Variants in GRB10 observed in about 807,000 individuals in gnomAD.
GRB10 encodes growth factor receptor bound protein 10.
Under a neutral mutation model 80.9 loss-of-function variants are expected in GRB10, and 20 were observed. That is an observed-to-expected ratio of 0.25 (90% CI 0.17 to 0.36). GRB10 has a LOEUF of 0.36. GRB10 is among the 10% of genes least tolerant of loss of function. The pLI is 1.00. For synonymous variants in GRB10, 291 were observed against 291.5 expected (o/e 1.00, Z 0.02); for missense variants, 548 against 747.7 (o/e 0.73, Z 3.12).
intron 5 of GRB10, among the ~76,000 whole-genome samples, chr7:50,695,462 C>A (rs1586992820): frequency 1.2e-5 from 1 of 84,238 alleles, no homozygotes; most frequent in Non-Finnish European, 2.9e-5. Context: ...CTCTTGGCTG[C>A]TTTCTTTCTT....
intron 2 of GRB10, among the ~76,000 whole-genome samples, chr7:50,757,365 T>C (rs2075230238): frequency 6.6e-6 from 1 of 152,222 alleles, no homozygotes; most frequent in African/African-American, 2.4e-5. Context: ...GTTAAACAAA[T>C]GTATACTCAT....
Position 50,592,518 on chromosome 7 carries a change from T to G in GRB10, c.*434A>C. ...GAAACGCCACATCCCCCTCCTACAA[T>G]AGGCTGAATACAATATTGAAAACAA... On this transcript the variant is annotated 3_prime_UTR_variant, in exon 19 of 19. Coordinates refer to ENST00000401949, the MANE Select transcript of GRB10 (RefSeq NM_001350814.2). The G allele has an allele frequency of 4.1e-6, 1 of 241,058 alleles. No homozygotes were observed. The highest frequency in any genetic ancestry group is 8.3e-6 in the Non-Finnish European group (1 of 120,706). The allele number at this position is 241,058 out of a possible 1,614,324, so 14.9% of individuals were successfully genotyped here. A position where few individuals can be genotyped will look rare whatever the true frequency, so the allele number is the denominator to read the frequency against.
At chr7:50,639,313 T>C (rs931385623) in intron 7 of GRB10, among the ~76,000 whole-genome samples, 2 of 152,324 alleles carry the variant, frequency 1.3e-5, no homozygotes, top group Non-Finnish European at 2.9e-5. Context: ...ATTAAAAAGA[T>C]GTTGTTTTTA....
intron 7 of GRB10, among the ~76,000 whole-genome samples, chr7:50,654,244 C>T (rs1347611060): frequency 1.3e-5 from 2 of 152,156 alleles, no homozygotes; most frequent in African/African-American, 4.8e-5. Flanking sequence ...CCACGGGGTC[C>T]CAGGGAGGTG....
intron 3 of GRB10, among the ~76,000 whole-genome samples, chr7:50,752,428 G>A (rs1016475810): frequency 6.6e-6 from 1 of 152,178 alleles, no homozygotes; most frequent in Non-Finnish European, 1.5e-5. Flanking sequence ...GAAGTTTCCT[G>A]CCCTTGGAAA....
intron 4 of GRB10, chr7:50,726,928 G>A (rs1257038292): frequency 6.6e-6 from 1 of 152,180 alleles, no homozygotes; most frequent in African/African-American, 2.4e-5. Context: ...TACTCAGTAG[G>A]AGAGATGGTC....
intron 3 of GRB10, among the ~76,000 whole-genome samples, chr7:50,750,506 G>A (rs2073931504): frequency 6.6e-6 from 1 of 152,152 alleles, no homozygotes; most frequent in African/African-American, 2.4e-5. Context: ...TTCAATAGAA[G>A]CTCCAATGAT....
chr7:50,633,144 ACAGT>A (rs2054324803), intron 7 of GRB10, among the ~76,000 whole-genome samples: 1 of 152,192 alleles, frequency 6.6e-6, no homozygotes, highest in Admixed American at 6.5e-5. Context: ...ATTCCTGCTG[ACAGT>A]ATACAGCGGT....
chr7:50,784,357 C>T (rs902086281), upstream of GRB10, among the ~76,000 whole-genome samples: 9 of 152,218 alleles, frequency 5.9e-5, no homozygotes, highest in South Asian at 4.1e-4. Context: ...GACTTTTCTG[C>T]GGTCTGACAC....
intron 2 of GRB10, among the ~76,000 whole-genome samples, chr7:50,777,934 G>A (rs1039188795): frequency 3.3e-5 from 5 of 152,186 alleles, no homozygotes; most frequent in Non-Finnish European, 5.9e-5. Flanking sequence ...GAGGGACTGA[G>A]GGGAGGGAAA....
chr7:50,698,624 T>C (rs992325963), intron 5 of GRB10, among the ~76,000 whole-genome samples: 2 of 152,200 alleles, frequency 1.3e-5, no homozygotes, highest in Admixed American at 6.5e-5. Context: ...GGTCTCCTTA[T>C]GGGATATCTA....
rs1465866333 is a variant in GRB10 at position 50,674,602 on chromosome 7, G to A, written c.196C>T (p.Leu66=). 2 of 1,613,728 alleles carry A rather than the reference G, an allele frequency of 1.2e-6. No homozygotes were observed. Among genetic ancestry groups the A allele is most frequent in the East Asian group, 2.2e-5 (1 of 44,880 alleles). Residue 66 remains leucine (L), a synonymous_variant, in exon 6 of 19, where the codon CTG becomes TTG. Coordinates refer to ENST00000401949, the MANE Select transcript of GRB10 (RefSeq NM_001350814.2). ...GACTGCATGCTGCAGGCCGAGTACA[G>A]GCTCTCCAGGGATGCATTCATATCG... ...VNDMNASLES[L]YSACSMQSDT...
chr7:50,761,338 A>G (rs1249270037), intron 2 of GRB10, among the ~76,000 whole-genome samples: 3 of 152,254 alleles, frequency 2.0e-5, no homozygotes, highest in Non-Finnish European at 4.4e-5. Flanking sequence ...TTGCTGGAAC[A>G]GATTTTATCA....
At chr7:50,701,742 T>C (rs2064262213) in intron 5 of GRB10, among the ~76,000 whole-genome samples, 1 of 152,242 alleles carries the variant, frequency 6.6e-6, no homozygotes, top group South Asian at 2.1e-4. Context: ...TCCCCCTGCA[T>C]CCTGCACTTG....
intron 13 of GRB10, among the ~76,000 whole-genome samples, chr7:50,610,991 C>G (rs994352053): frequency 1.4e-5 from 2 of 147,996 alleles, no homozygotes; most frequent in African/African-American, 4.9e-5. Flanking sequence ...TTTTTCATTT[C>G]CTTTTTTTTT....
chr7:50,664,306 C>A (rs774867805), intron 7 of GRB10, among the ~76,000 whole-genome samples: 1 of 152,220 alleles, frequency 6.6e-6, no homozygotes, highest in Non-Finnish European at 1.5e-5. Flanking sequence ...CTCCCCTCAG[C>A]CTCTCAGAGC....
chr7:50,680,062 A>G (rs1177007958), intron 5 of GRB10, among the ~76,000 whole-genome samples: 2 of 152,246 alleles, frequency 1.3e-5, no homozygotes, highest in Non-Finnish European at 2.9e-5. Context: ...TGGTTAGAGT[A>G]TTCTTCTCTA....
At chr7:50,784,984 T>C (rs976539276), upstream of GRB10, among the ~76,000 whole-genome samples, 2 of 152,222 alleles carry the variant, frequency 1.3e-5, no homozygotes, top group African/African-American at 2.4e-5. Flanking sequence ...ACTTCTTTTC[T>C]GGAAGCAGGG....
intron 15 of GRB10, 172 bp downstream of exon 15, chr7:50,605,118 A>C: frequency 3.1e-6 from 2 of 635,548 alleles, no homozygotes; most frequent in Non-Finnish European, 2.8e-6. Flanking sequence ...GGTGCTGGGA[A>C]CATGGAAGGG....
Sources: gnomAD v4.1 joint callset for allele counts (sites outside exome capture counted in the v4.1 genomes callset) on GRCh38, gnomAD v4.1.1 for gene constraint, MANE v1.5 for transcripts, NCBI Gene and HGNC (gene_info 2026-07-23, HGNC 2026-07-21) for gene names.